Variants in CELSR2 observed in about 807,000 individuals in gnomAD.
CELSR2 encodes EGF-like protein 2.
A neutral mutation model predicts 251.6 loss-of-function variants in CELSR2; 81 were observed. The observed-to-expected ratio is 0.32, with a 90% CI of 0.27 to 0.39. The LOEUF is 0.39. Among genes scored for constraint, CELSR2 ranks in the 10% least tolerant of loss-of-function variants. The probability of loss-of-function intolerance (pLI) is 1.00; values close to 1 mark genes in which losing one functional copy is unlikely to be tolerated. For synonymous variants in CELSR2, 1,721 were observed against 1,670.5 expected, an observed-to-expected ratio of 1.03 and a Z score of -0.74; for missense variants, 3,365 against 3,947.7, an observed-to-expected ratio of 0.85 and a Z score of 3.96.
chr1:109,267,467 C>G (rs1208793946), intron 15 of CELSR2, 81 bp from the exon 16 acceptor site: 4 of 1,318,548 alleles, frequency 3.0e-6, no homozygotes, highest in Admixed American at 4.0e-5. Flanking sequence ...AGGTGCTGGC[C>G]TCCAGCAGAA....
At chr1:109,273,811 A>G in intron 33 of CELSR2, 141 bp downstream of exon 33, 2 of 960,764 alleles carry the variant, frequency 2.1e-6, no homozygotes, top group South Asian at 1.6e-5. Context: ...CTCCCTTACT[A>G]TGCCGTGCCC....
rs1656251973 is a variant in CELSR2, at chr1:109,268,014, A to G, written c.6272A>G (p.Gln2091Arg). The change falls in exon 17 of 34, where the codon CAG becomes CGG. Residue 2091 changes from glutamine to arginine, a missense_variant. Around this residue, in one of 5 missense-constraint regions of CELSR2, gnomAD observed 2,093 missense variants for 2,382.8 expected, o/e 0.88. Coordinates refer to ENST00000271332, the MANE Select transcript of CELSR2 (RefSeq NM_001408.3). ...ATRLLAHEST[Q>R]RGFGLSATQD... is the part of the protein sequence containing the mutation. ...CGGCTGCTGGCCCACGAGAGCACCC[A>G]GCGGGGCTTTGGGCTGTCTGCCACA... 1 of 1,609,114 alleles carries G rather than the reference A, an allele frequency of 6.2e-7. No homozygotes were observed.
At chr1:109,268,829 T>C (rs2101272909) in intron 18 of CELSR2, 51 bp from the exon 19 acceptor site, 1 of 1,584,410 alleles carries the variant, frequency 6.3e-7, no homozygotes, top group East Asian at 2.3e-5. Flanking sequence ...GCGGCTGTGC[T>C]GGGGTCCTGC....
chr1:109,262,135 C>A, intron 5 of CELSR2, 152 bp from the exon 6 acceptor site: 1 of 1,214,464 alleles, frequency 8.2e-7, no homozygotes, highest in Non-Finnish European at 1.1e-6. Context: ...TAGTTACATG[C>A]ATAAACCACG....
At chr1:109,260,749 G>A (rs1001360726) in intron 2 of CELSR2, among the ~76,000 whole-genome samples, 40 of 152,190 alleles carry the variant, frequency 2.6e-4, no homozygotes, top group African/African-American at 9.4e-4. Context: ...CTGTGCTTAT[G>A]AAACCCAAAT....
Position 109,250,463 on chromosome 1 carries a change from G to A in CELSR2, c.384G>A (p.Lys128=). 6.2e-7 allele frequency: 1 copy of A among 1,613,718 alleles called. No individual in the cohort carries two copies. Among genetic ancestry groups the A allele is most frequent in the Non-Finnish European group, 8.5e-7 (1 of 1,180,026 alleles). Reference sequence around the variant, plus strand: ...GAGGCCACCTTTCCCCACAGGGCAAGCTCACACTGCCCGAGGAGCACCCGT... The same window carrying A: ...GAGGCCACCTTTCCCCACAGGGCAAACTCACACTGCCCGAGGAGCACCCGT... ...GIGGHLSPQG[K]LTLPEEHPCL... Residue 128 remains lysine, a synonymous_variant, in exon 1 of 34, where the codon AAG becomes AAA. Coordinates refer to ENST00000271332, the MANE Select transcript of CELSR2 (RefSeq NM_001408.3). This position sits in a 1 kb window ranked among gnomAD's most constrained non-coding sequence, Gnocchi z 4.4.
At chr1:109,263,046 G>C in intron 7 of CELSR2, 77 bp downstream of exon 7, 1 of 1,586,422 alleles carries the variant, frequency 6.3e-7, no homozygotes, top group South Asian at 1.1e-5. Context: ...GAGGATGCCA[G>C]AATGGAGGGT....
At chr1:109,270,826 T>C in intron 24 of CELSR2, 101 bp from the exon 25 acceptor site, 1 of 1,011,622 alleles carries the variant, frequency 9.9e-7, no homozygotes, top group Non-Finnish European at 1.5e-6. Context: ...AGAACCCTTT[T>C]CCATGCTTCA....
Position 109,274,156 on chromosome 1 carries a change from C to G in CELSR2, c.*107C>G, listed in dbSNP as rs1361546177. ...CCTGCCCCGCTCCCCATCGCCTGCC[C>G]GCAGCAGCGACGAAACGTCCATCTG... On this transcript the variant is annotated 3_prime_UTR_variant, in exon 34 of 34. Transcript: ENST00000271332. 6.2e-6 allele frequency: 10 copies of G among 1,601,944 alleles called. No homozygotes were observed. Among genetic ancestry groups the G allele is most frequent in the Non-Finnish European group, 8.5e-6 (10 of 1,175,538 alleles).
chr1:109,261,822 A>T lies in CELSR2; in HGVS notation c.4312A>T (p.Thr1438Ser). The T allele has an allele frequency of 6.3e-7, 1 of 1,593,312 alleles. No homozygotes were observed. Among genetic ancestry groups the T allele is most frequent in the African/African-American group, 1.3e-5 (1 of 74,452 alleles). The change falls in exon 5 of 34, where the codon ACG (threonine) becomes TCG (serine). Residue 1438 changes from threonine to serine, a missense_variant. Transcript: ENST00000271332. The surrounding 1 kb of genome is among the most constrained non-coding windows in gnomAD (Gnocchi z 4.8). Reference protein sequence around the residue: ...LTFSAGESTTTVSPFVPGGVS... With the variant: ...LTFSAGESTTSVSPFVPGGVS... ...CCTTTCCCCAGGGGAGTCAACCACC[A>T]CGGTGTCCCCATTCGTGCCCGGAGG...
In CELSR2 at chr1:109,267,581, G is replaced by C. The variant is rs960679957; in HGVS notation, c.6047G>C (p.Gly2016Ala). 1.2e-6 allele frequency: 2 copies of C among 1,614,006 alleles called. No homozygotes were observed. Among genetic ancestry groups the C allele is most frequent in the African/African-American group, 1.3e-5 (1 of 74,904 alleles). The change falls in exon 16 of 34, where the codon GGG (glycine) becomes GCG (alanine). Residue 2016 changes from glycine to alanine, a missense_variant. By Grantham distance (60) the Gly-to-Ala change is moderately conservative (BLOSUM62 0). Transcript: ENST00000271332. The stretch of plus-strand genomic sequence containing the variant: ...GTGCGCCACTGTGATGAGCACAGGG[G>C]GTGGCTCCCCCCAAACCTCTTCAAC... Reference protein sequence around the residue: ...TAVRHCDEHRGWLPPNLFNCT... With the variant: ...TAVRHCDEHRAWLPPNLFNCT...
intron 15 of CELSR2, 117 bp downstream of exon 15, chr1:109,266,323 T>G: frequency 8.3e-7 from 1 of 1,209,290 alleles, no homozygotes; most frequent in Non-Finnish European, 1.1e-6. Context: ...CTCCAGGTCC[T>G]GGGATTTCAT....
intron 16 of CELSR2, 40 bp from the exon 17 acceptor site, chr1:109,267,811 T>G (rs1374579272): frequency 6.3e-7 from 1 of 1,587,962 alleles, no homozygotes; most frequent in Non-Finnish European, 8.6e-7. Flanking sequence ...GCTCCAGAGT[T>G]CCTGCCCTCA....
rs1323962104 is a variant in CELSR2, at chr1:109,266,195, A to G, written c.6002A>G (p.Lys2001Arg). The G allele has an allele frequency of 2.5e-6, 4 of 1,614,060 alleles. No homozygotes were observed. The highest frequency in any genetic ancestry group is 1.7e-4 in the Middle Eastern group (1 of 6,060). Residue 2001 changes from lysine (K) to arginine (R), a missense_variant, in exon 15 of 34, where the codon AAA (lysine) becomes AGA (arginine). Lys to Arg is a conservative substitution (Grantham distance 26). Coordinates refer to ENST00000271332, the MANE Select transcript of CELSR2 (RefSeq NM_001408.3). Reference sequence around the variant, plus strand: ...CTGCCTGCTGCTGCTCCCTGTCCCAAAGGCTCCTTTGGTAGGTGTTGGAGG... The same window carrying G: ...CTGCCTGCTGCTGCTCCCTGTCCCAGAGGCTCCTTTGGTAGGTGTTGGAGG... ...FGLPAAAPCPKGSFGTAVRHC... is the reference protein window; with the variant it reads ...FGLPAAAPCPRGSFGTAVRHC...
In CELSR2 at chr1:109,272,837, T is replaced by C; in HGVS notation, c.8148T>C (p.Pro2716=). 6.2e-7 allele frequency: 1 copy of C among 1,613,072 alleles called. No homozygotes were observed. ...GATCTCTCCCTGGCCTCCTAGATCC[T>C]GACACGGACTCCGACAGTGACCTGT... The part of the protein sequence containing the change: ...FLEGQDQQHD[P]DTDSDSDLSL... The change falls in exon 31 of 34, where the codon CCT becomes CCC. Residue 2716 remains proline (P), a synonymous_variant. Transcript: ENST00000271332.
intron 17 of CELSR2, 105 bp from the exon 18 acceptor site, chr1:109,268,476 G>A (rs1467776409): frequency 1.3e-5 from 18 of 1,396,540 alleles, no homozygotes; most frequent in Non-Finnish European, 1.6e-5. Context: ...CAGAGGGAGG[G>A]GCCTGGTGGG....
At position 109,273,562 on chromosome 1, in the gene CELSR2, C is replaced by A. The variant is rs770170823; in HGVS notation, c.8636C>A (p.Pro2879His). The A allele has an allele frequency of 1.7e-5, 26 of 1,568,004 alleles. 1 individual carries two copies. The highest frequency in any genetic ancestry group is 4.6e-5 in the South Asian group (4 of 86,236). Residue 2879 changes from proline to histidine, a missense_variant, in exon 33 of 34, where the codon CCT becomes CAT. By Grantham distance (77) the Pro-to-His change is moderately conservative (BLOSUM62 -2). Transcript: ENST00000271332. ...AGTGAGGGCAGCCGGGGAGGCCCCCCTCCCCGCCCACCGCCCCGGCAGAGC... is the reference window on the plus strand; with the variant it reads ...AGTGAGGGCAGCCGGGGAGGCCCCCATCCCCGCCCACCGCCCCGGCAGAGC... ...SASEGSRGGP[P>H]PRPPPRQSLQ... is the part of the protein sequence containing the mutation.
chr1:109,263,367 G>C (rs1029708002), intron 8 of CELSR2, 100 bp downstream of exon 8: 8 of 1,475,744 alleles, frequency 5.4e-6, no homozygotes, highest in Non-Finnish European at 7.2e-6. Context: ...TGCTGAGCGG[G>C]GCTGTGGGTG....
intron 1 of CELSR2, among the ~76,000 whole-genome samples, chr1:109,254,813 G>A (rs974191090): frequency 9.9e-5 from 15 of 152,186 alleles, no homozygotes; most frequent in African/African-American, 3.1e-4. Context: ...GACTGTGGCT[G>A]AGGTTCTGAG....
Sources: gnomAD v4.1 joint callset for allele counts (sites outside exome capture counted in the v4.1 genomes callset) on GRCh38, gnomAD v4.1.1 for gene constraint, gnomAD v4.1.1 regional missense constraint, Gnocchi (gnomAD v3.1) non-coding constraint, MANE v1.5 for transcripts, NCBI Gene and HGNC (gene_info 2026-07-23, HGNC 2026-07-21) for gene names.